CSMD3: variants seen among roughly 807,000 people sequenced by gnomAD.
CSMD3 encodes CUB and sushi domain-containing protein 3.
A neutral mutation model predicts 435.2 loss-of-function variants in CSMD3; 177 were observed. That is an observed-to-expected ratio of 0.41 (90% CI 0.36 to 0.46). The LOEUF (loss-of-function observed/expected upper bound fraction) is 0.46. CSMD3 is among the 20% of genes least tolerant of loss of function. CSMD3 has a pLI of 0.34. For synonymous variants in CSMD3, 1,656 were observed against 1,520.5 expected, an observed-to-expected ratio of 1.09 and a Z score of -2.07; for missense variants, 4,265 against 4,504.6, an observed-to-expected ratio of 0.95 and a Z score of 1.52.
At chr8:112,970,764 C>T (rs2084623473) in intron 7 of CSMD3, among the ~76,000 whole-genome samples, 2 of 150,436 alleles carry the variant, frequency 1.3e-5, no homozygotes, top group African/African-American at 2.4e-5. Context: ...CTCTGTTGCT[C>T]AGGCTGGAGT....
intron 56 of CSMD3, among the ~76,000 whole-genome samples, chr8:112,289,847 C>T (rs1355299308): frequency 1.3e-5 from 2 of 151,962 alleles, no homozygotes; most frequent in Non-Finnish European, 2.9e-5. Context: ...TGTGTGTCCA[C>T]ATATATATGT....
chr8:112,391,742 G>C (rs1830439528), intron 35 of CSMD3, among the ~76,000 whole-genome samples: 1 of 151,678 alleles, frequency 6.6e-6, no homozygotes, highest in Non-Finnish European at 1.5e-5. Context: ...GTTGAAGCCA[G>C]AGTCCATGTC....
intron 1 of CSMD3, among the ~76,000 whole-genome samples, chr8:113,413,135 TACTACAATA>T (rs767485600): frequency 1.3e-5 from 2 of 152,206 alleles, no homozygotes; most frequent in Non-Finnish European, 2.9e-5. Context: ...GTTTTAATGA[TACTACAATA>T]ACTTTCCATT....
rs533792083 is a variant in CSMD3, at chr8:113,428,751, G to T, written c.178+7926C>A. The stretch of plus-strand genomic sequence containing the variant: ...AGTAAATAACTCTGATCATTCTGGA[G>T]TCAATCAGATAAACTTGTATAACAG... On this transcript the variant is annotated intron_variant, in intron 1 of 70. Transcript: ENST00000297405. 1.6e-4 allele frequency among the ~76,000 whole-genome samples: 24 copies of T among 152,006 alleles called. No individual in the cohort carries two copies. The East Asian group carries it at 2.1e-3, about 13-fold the overall frequency.
chr8:112,492,468 G>C (rs1464501869), intron 31 of CSMD3, 21 bp downstream of exon 31: 18 of 1,600,980 alleles, frequency 1.1e-5, no homozygotes, highest in Admixed American at 1.7e-5. Context: ...TGAAAATTCA[G>C]CCAAAAAATA....
chr8:112,900,076 A>G (rs1012194652), intron 10 of CSMD3, among the ~76,000 whole-genome samples: 3 of 150,978 alleles, frequency 2.0e-5, no homozygotes, highest in African/African-American at 4.9e-5. Context: ...TATTAGTAAC[A>G]CTTTCTCTGT....
At chr8:113,143,450 C>G (rs1243887325) in intron 4 of CSMD3, among the ~76,000 whole-genome samples, 3 of 151,414 alleles carry the variant, frequency 2.0e-5, no homozygotes, top group Non-Finnish European at 4.4e-5. Context: ...TAACATACAA[C>G]CTGGTAATTG....
At chr8:113,371,007 T>C (rs1030697064) in intron 1 of CSMD3, among the ~76,000 whole-genome samples, 1 of 152,088 alleles carries the variant, frequency 6.6e-6, no homozygotes, top group Non-Finnish European at 1.5e-5. Flanking sequence ...GAAGTTACAA[T>C]TGTCTTACCT....
At chr8:113,095,266 G>T (rs535798635) in intron 5 of CSMD3, among the ~76,000 whole-genome samples, 1 of 152,028 alleles carries the variant, frequency 6.6e-6, no homozygotes, top group Non-Finnish European at 1.5e-5. Context: ...ATTTAGGAAC[G>T]TATTTTATAA....
At chr8:112,278,875 T>A (rs1818342083) in intron 59 of CSMD3, among the ~76,000 whole-genome samples, 1 of 152,054 alleles carries the variant, frequency 6.6e-6, no homozygotes, top group African/African-American at 2.4e-5. Flanking sequence ...CTAAACCCAA[T>A]AACAACTGCC....
intron 25 of CSMD3, among the ~76,000 whole-genome samples, chr8:112,553,632 G>A (rs1036265697): frequency 2.0e-5 from 3 of 151,954 alleles, no homozygotes; most frequent in Non-Finnish European, 4.4e-5. Context: ...GTTTGTCAGA[G>A]TTTTTAAAAC....
chr8:112,887,484 G>A (rs2081640198), intron 10 of CSMD3, among the ~76,000 whole-genome samples: 1 of 151,244 alleles, frequency 6.6e-6, no homozygotes. Context: ...ATATACATTT[G>A]TAGTATGTGA....
At chr8:113,067,748 T>C (rs10094486) in intron 5 of CSMD3, among the ~76,000 whole-genome samples, 101,832 of 151,994 alleles carry the variant, frequency 0.67, 35,667 homozygotes, top group East Asian at 0.95. Context: ...TCATATGTTT[T>C]TTATTTCTTA....
intron 32 of CSMD3, among the ~76,000 whole-genome samples, chr8:112,459,091 T>C (rs1314040656): frequency 6.6e-6 from 1 of 152,056 alleles, no homozygotes; most frequent in Non-Finnish European, 1.5e-5. Context: ...ACTCTCTCCC[T>C]GCCACAAATA....
chr8:112,539,162 T>C (rs1480159689), intron 27 of CSMD3: 1 of 153,298 alleles, frequency 6.5e-6, no homozygotes, highest in Non-Finnish European at 1.5e-5. Flanking sequence ...GTACTAAGTA[T>C]TGTTGGCCAA....
At chr8:112,592,898 G>A (rs1390228406) in intron 22 of CSMD3, among the ~76,000 whole-genome samples, 1 of 152,120 alleles carries the variant, frequency 6.6e-6, no homozygotes. Context: ...CTAACATGTA[G>A]TCTCTAGTAT....
At chr8:112,953,943 C>A (rs534859077) in intron 8 of CSMD3, among the ~76,000 whole-genome samples, 12 of 151,390 alleles carry the variant, frequency 7.9e-5, no homozygotes, top group Non-Finnish European at 1.8e-4. Flanking sequence ...TCATAAATGG[C>A]TTGCTTCAAA....
intron 10 of CSMD3, among the ~76,000 whole-genome samples, chr8:112,889,286 C>T (rs957031950): frequency 6.6e-6 from 1 of 151,614 alleles, no homozygotes; most frequent in Non-Finnish European, 1.5e-5. Flanking sequence ...TTCAGCTGTG[C>T]CATTCATTGC....
At chr8:112,326,051 T>G (rs1823481508) in intron 45 of CSMD3, among the ~76,000 whole-genome samples, 1 of 152,198 alleles carries the variant, frequency 6.6e-6, no homozygotes, top group Non-Finnish European at 1.5e-5. Context: ...ACATAAATAT[T>G]AATATTTTCT....
Sources: gnomAD v4.1 joint callset for allele counts (sites outside exome capture counted in the v4.1 genomes callset) on GRCh38, gnomAD v4.1.1 for gene constraint, MANE v1.5 for transcripts, NCBI Gene and HGNC (gene_info 2026-07-23, HGNC 2026-07-21) for gene names.